SEMA4B: variants seen among roughly 807,000 people sequenced by gnomAD.
SEMA4B encodes the protein semaphorin-4B.
SEMA4B carries 55 observed loss-of-function variants against 88.1 expected under a neutral mutation model. The observed-to-expected ratio is 0.62, with a 90% confidence interval of 0.50 to 0.78. The LOEUF is 0.78. SEMA4B is among the 30% of genes least tolerant of loss of function. The pLI is 0.00. For missense variants in SEMA4B, 1,062 were observed against 1,111.9 expected (o/e 0.96, Z 0.64); for synonymous variants, 525 against 473.6 (o/e 1.11, Z -1.41).
At chr15:90,205,654 G>C (rs551008750) in intron 1 of SEMA4B, among the ~76,000 whole-genome samples, 22 of 152,334 alleles carry the variant, frequency 1.4e-4, no homozygotes, top group African/African-American at 5.0e-4. Context: ...GTAGTAAAAA[G>C]GTAGCTTCTG....
chr15:90,189,281 C>G (rs373932250), intron 1 of SEMA4B, among the ~76,000 whole-genome samples: 8 of 152,084 alleles, frequency 5.3e-5, no homozygotes, highest in African/African-American at 1.9e-4. Flanking sequence ...AGGTGGATGG[C>G]TATAACTTGA....
chr15:90,221,193 TTC>T, intron 5 of SEMA4B, 100 bp downstream of exon 5: 2 of 1,126,970 alleles, frequency 1.8e-6, no homozygotes, highest in Non-Finnish European at 2.6e-6. Context: ...CCATGCTTAT[TTC>T]CAAGGGGACA....
chr15:90,208,796 C>T (rs1240949460), intron 1 of SEMA4B, among the ~76,000 whole-genome samples: 2 of 149,740 alleles, frequency 1.3e-5, no homozygotes, highest in African/African-American at 4.9e-5. Flanking sequence ...ACCCAGGCTG[C>T]AGTGGTGAGA....
At chr15:90,198,687 G>A (rs540262557), upstream of SEMA4B, among the ~76,000 whole-genome samples, 16 of 152,182 alleles carry the variant, frequency 1.1e-4, no homozygotes, top group African/African-American at 2.6e-4. Flanking sequence ...CTGCTGGTTC[G>A]GGCTACTATA....
chr15:90,206,038 A>G (rs1960970670), intron 1 of SEMA4B, among the ~76,000 whole-genome samples: 1 of 152,134 alleles, frequency 6.6e-6, no homozygotes, highest in African/African-American at 2.4e-5. Flanking sequence ...AACCCAGGAG[A>G]GCGCTAAACT....
intron 1 of SEMA4B, among the ~76,000 whole-genome samples, chr15:90,190,084 G>A (rs1176529543): frequency 2.0e-5 from 3 of 152,180 alleles, no homozygotes; most frequent in Non-Finnish European, 2.9e-5. Context: ...AGAACCTTGT[G>A]GGCTCCAGAG....
At chr15:90,220,218 A>C in intron 4 of SEMA4B, 1 of 264,430 alleles carries the variant, frequency 3.8e-6, no homozygotes, top group Non-Finnish European at 7.1e-6. Context: ...TATCTTGTAC[A>C]CCCCCTCCTC....
chr15:90,188,737 G>A (rs910219837), intron 1 of SEMA4B, among the ~76,000 whole-genome samples: 4 of 151,930 alleles, frequency 2.6e-5, no homozygotes, highest in Non-Finnish European at 4.4e-5. Flanking sequence ...GCGCTATCTC[G>A]GCTCACTGCA....
In SEMA4B at chr15:90,212,856, C is replaced by G. The variant is rs1961340773; in HGVS notation, c.158-4583C>G. On this transcript the variant is annotated intron_variant, in intron 1 of 13. Transcript: ENST00000411539. This position sits in a 1 kb window ranked among gnomAD's most constrained non-coding sequence, Gnocchi z 4.0. ...GCCGTCTGGCTTTGGCCATGAGACC[C>G]TCGTGTGACCAGGTGCGTGCCTAAG... Among the ~76,000 whole-genome samples the G allele has an allele frequency of 6.6e-6, 1 of 152,224 alleles. No homozygotes were observed. The highest frequency in any genetic ancestry group is 1.5e-5 in the Non-Finnish European group (1 of 68,038).
rs543501045 is a variant in SEMA4B, at chr15:90,223,251, CT to C, written c.862-306del. Among the ~76,000 whole-genome samples the C allele has an allele frequency of 3.2e-4, 48 of 152,196 alleles. 1 individual carries two copies. In the East Asian group the frequency reaches 8.1e-3, roughly 26 times the overall value. On this transcript the variant is annotated intron_variant, in intron 7 of 13. Coordinates refer to ENST00000411539, the MANE Select transcript of SEMA4B (RefSeq NM_198925.4). The stretch of plus-strand genomic sequence containing the variant: ...TTAATAATATAAGTACCATCCCGAC[CT>C]TGTACTTATATTATTAACTCACTCA...
chr15:90,228,978 C>T lies in SEMA4B; in HGVS notation c.*335C>T. ...GAGAGGGAAGAGATAGCATGGCATG[C>T]AGCACACACGGCTGCTCCAGTTCAT... is the stretch of plus-strand genomic sequence containing the variant. On this transcript the variant is annotated 3_prime_UTR_variant, in exon 14 of 14. Transcript: ENST00000411539. 2 of 413,150 alleles carry T rather than the reference C, an allele frequency of 4.8e-6. No individual in the cohort carries two copies. The highest frequency in any genetic ancestry group is 4.0e-5 in the Admixed American group (1 of 25,020). The allele number at this position is 413,150 out of a possible 1,614,324, so 25.6% of individuals were successfully genotyped here.
rs776885861 is a variant in SEMA4B at position 90,195,924 on chromosome 15, C to CTTTTTTTTTTTTT, written c.-121-5533_-121-5521dup. On this transcript the variant is annotated intron_variant, in intron 1 of 14. Coordinates refer to the SEMA4B transcript ENST00000332496. ...TGGGCCCAGCCTGTTTTGTACTTCTCTTTTTTTTTTTTTCGAGACGGAGTC... is the reference window on the plus strand; with the variant it reads ...TGGGCCCAGCCTGTTTTGTACTTCTCTTTTTTTTTTTTTTTTTTTTTTTTTTCGAGACGGAGTC... 5.5e-4 allele frequency among the ~76,000 whole-genome samples: 42 copies of CTTTTTTTTTTTTT among 76,680 alleles called. 1 individual carries two copies. Among genetic ancestry groups the CTTTTTTTTTTTTT allele is most frequent in the African/African-American group, 1.7e-3 (38 of 23,024 alleles). The allele number at this position is 76,680 out of a possible 152,430, so 50.3% of individuals were successfully genotyped here.
chr15:90,201,792 G>T (rs2151593567), intron 1 of SEMA4B, 57 bp downstream of exon 1: 1 of 1,366,588 alleles, frequency 7.3e-7, no homozygotes, highest in Non-Finnish European at 9.4e-7. Context: ...CCGGGGACGT[G>T]CCTCGTGCGG....
chr15:90,216,614 C>T (rs1961544473), intron 1 of SEMA4B, among the ~76,000 whole-genome samples: 1 of 152,090 alleles, frequency 6.6e-6, no homozygotes. Flanking sequence ...GAGGCTGACG[C>T]GGGCAGATCA....
chr15:90,203,113 G>A (rs917314711), intron 1 of SEMA4B, among the ~76,000 whole-genome samples: 3 of 152,222 alleles, frequency 2.0e-5, no homozygotes, highest in Non-Finnish European at 4.4e-5. Context: ...TTGAAAAGTC[G>A]TTAGGACAGG....
chr15:90,228,104 C>G lies in SEMA4B; in HGVS notation c.1975C>G (p.Leu659Val). ...GCTGGGGGAGTTCCAGTGCTGGTCA[C>G]TAGAGGAGGGCTTCCAGCAGCTGGT... ...QQLGEFQCWS[L>V]EEGFQQLVAS... The change falls in exon 14 of 14, where the codon CTA becomes GTA. Residue 659 changes from leucine (L) to valine (V), a missense_variant. Physicochemically the swap from Leu to Val is conservative, Grantham distance 32. Coordinates refer to ENST00000411539, the MANE Select transcript of SEMA4B (RefSeq NM_198925.4). 7 of 1,612,246 alleles carry G rather than the reference C, an allele frequency of 4.3e-6. No individual in the cohort carries two copies. The highest frequency in any genetic ancestry group is 5.9e-6 in the Non-Finnish European group (7 of 1,179,154).
In SEMA4B at chr15:90,221,113, T is replaced by A; in HGVS notation, c.595+20T>A. 1.9e-6 allele frequency: 3 copies of A among 1,555,882 alleles called. No individual in the cohort carries two copies. The highest frequency in any genetic ancestry group is 2.6e-6 in the Non-Finnish European group (3 of 1,138,140). ...TGGTTGGTGAGTGTTGAGGGCAGGA[T>A]GGCTTCATTGAGGTTCCATGTAGGG... On this transcript the variant is annotated intron_variant, in intron 5 of 13. Coordinates refer to ENST00000411539, the MANE Select transcript of SEMA4B (RefSeq NM_198925.4).
intron 1 of SEMA4B, among the ~76,000 whole-genome samples, chr15:90,186,055 T>C (rs1347161175): frequency 6.8e-6 from 1 of 146,380 alleles, no homozygotes; most frequent in East Asian, 2.2e-4. Context: ...TGCCTCAGCC[T>C]CCTGAGTAGC....
At chr15:90,204,334 G>A (rs754053764) in intron 1 of SEMA4B, among the ~76,000 whole-genome samples, 24 of 152,222 alleles carry the variant, frequency 1.6e-4, no homozygotes, top group Admixed American at 9.2e-4. Flanking sequence ...GTGGGGCTAT[G>A]TCTGTGGTTT....
Sources: allele counts gnomAD v4.1 joint callset (sites outside exome capture counted in the v4.1 genomes callset), GRCh38; gene constraint gnomAD v4.1.1; non-coding constraint Gnocchi (gnomAD v3.1); transcripts MANE v1.5; gene names NCBI Gene and HGNC (gene_info 2026-07-23, HGNC 2026-07-21).